The following COL6A2 variants were observed in gnomAD, a reference collection of about 807,000 sequenced individuals.
The protein encoded by COL6A2 is collagen alpha-2(VI) chain.
Under a neutral mutation model 124.9 loss-of-function variants are expected in COL6A2, and 90 were observed. The observed-to-expected ratio is 0.72, with a 90% CI of 0.61 to 0.86. The LOEUF (loss-of-function observed/expected upper bound fraction) is 0.86, where lower values mean the gene tolerates loss of function less well. Ranked by LOEUF, COL6A2 falls within the 40% of genes least tolerant of loss-of-function variation. COL6A2 has a pLI of 0.00. For missense variants in COL6A2, 1,607 were observed against 1,502.5 expected, an observed-to-expected ratio of 1.07 and a Z score of -1.15; for synonymous variants, 793 against 618.2, an observed-to-expected ratio of 1.28 and a Z score of -4.19.
At chr21:46,105,864 C>T (rs2078330717) in intron 1 of COL6A2, among the ~76,000 whole-genome samples, 1 of 152,200 alleles carries the variant, frequency 6.6e-6, no homozygotes. Flanking sequence ...AAAGAAGTCC[C>T]TCTTTATCAG....
intron 1 of COL6A2, among the ~76,000 whole-genome samples, chr21:46,105,798 A>G (rs1026756465): frequency 6.6e-6 from 1 of 152,240 alleles, no homozygotes; most frequent in Non-Finnish European, 1.5e-5. Context: ...AGACAGTGAT[A>G]CTGGAAATTA....
intron 1 of COL6A2, among the ~76,000 whole-genome samples, chr21:46,098,460 G>GA (rs1035165679): frequency 1.3e-5 from 2 of 151,740 alleles, no homozygotes; most frequent in Non-Finnish European, 2.9e-5. Context: ...GCGGGGTGGG[G>GA]GGGTCCCTGT....
chr21:46,121,543 C>T lies in COL6A2; in HGVS notation c.1459-13C>T, dbSNP rs370542209. The T allele has an allele frequency of 1.2e-5, 20 of 1,612,698 alleles. No individual in the cohort carries two copies. The East Asian group carries it at 3.8e-4, about 31-fold the overall frequency. On this transcript the variant is annotated splice_polypyrimidine_tract_variant and intron_variant, in intron 17 of 27. Transcript: ENST00000300527. ...TGCCTGTGCTGACTTCTGAATTTCT[C>T]TCCTGCCCTCAGGGATCTCGGGGAG... is the stretch of plus-strand genomic sequence containing the variant.
At chr21:46,118,935 A>AAGAT in intron 13 of COL6A2, 95 bp from the exon 14 acceptor site, 1 of 1,087,270 alleles carries the variant, frequency 9.2e-7, no homozygotes, top group East Asian at 2.5e-5. Context: ...ATTCCGCTGG[A>AAGAT]AGATAATAGG....
intron 27 of COL6A2, 106 bp from the exon 28 acceptor site, chr21:46,131,848 G>C (rs1211185504): frequency 7.5e-6 from 8 of 1,069,652 alleles, no homozygotes; most frequent in Admixed American, 2.0e-5. Flanking sequence ...AGTGGTCTGT[G>C]AGGTTGCAGG....
chr21:46,123,236 C>T (rs2078595691), intron 21 of COL6A2, among the ~76,000 whole-genome samples: 1 of 126,610 alleles, frequency 7.9e-6, no homozygotes, highest in Non-Finnish European at 1.5e-5. Flanking sequence ...TCCCAGCATC[C>T]CCACTACAGC....
intron 19 of COL6A2, 51 bp from the exon 20 acceptor site, chr21:46,122,445 G>T (rs369753525): frequency 8.1e-6 from 13 of 1,610,052 alleles, no homozygotes; most frequent in Non-Finnish European, 1.0e-5. Context: ...GAGGGAGGAA[G>T]GAGCACTGGG....
At chr21:46,130,818 G>A (rs924700074) in intron 27 of COL6A2, among the ~76,000 whole-genome samples, 3 of 152,216 alleles carry the variant, frequency 2.0e-5, no homozygotes, top group Non-Finnish European at 2.9e-5. Flanking sequence ...TAACAGGGAG[G>A]CTGCCCTTCC....
intron 26 of COL6A2, 107 bp from the exon 27 acceptor site, chr21:46,126,396 C>G: frequency 6.5e-7 from 1 of 1,543,832 alleles, no homozygotes; most frequent in Non-Finnish European, 9.0e-7. Flanking sequence ...GGCTGCAGGG[C>G]AGAGGCCAGC....
chr21:46,120,169 C>T (rs1256728015), intron 15 of COL6A2, among the ~76,000 whole-genome samples: 3 of 100,304 alleles, frequency 3.0e-5, no homozygotes, highest in African/African-American at 9.5e-5. Context: ...AGGCATTGCT[C>T]ACCCACGTGA....
rs1313081608 is a variant in COL6A2 at position 46,128,791 on chromosome 21, T to G, written c.2461+2250T>G. 9 of 896,728 alleles carry G rather than the reference T, an allele frequency of 1.0e-5. No individual in the cohort carries two copies. The East Asian group carries it at 1.9e-4, about 19-fold the overall frequency. The allele number at this position is 896,728 out of a possible 1,614,324, so 55.5% of individuals were successfully genotyped here. A position where few individuals can be genotyped will look rare whatever the true frequency, so the allele number is the denominator to read the frequency against. ...ACATCCCAGAGAGGCTGAGGAAGGGTTTACCACCGCAAGCTTTCTCAGGCG... is the reference window on the plus strand; with the variant it reads ...ACATCCCAGAGAGGCTGAGGAAGGGGTTACCACCGCAAGCTTTCTCAGGCG... On this transcript the variant is annotated intron_variant, in intron 27 of 27. Transcript: ENST00000300527.
At chr21:46,122,611 G>A (rs977714140) in intron 20 of COL6A2, 80 bp downstream of exon 20, 155 of 1,476,480 alleles carry the variant, frequency 1.0e-4, no homozygotes, top group South Asian at 6.9e-4. Flanking sequence ...AATGCCCACC[G>A]TCACTGACAG....
intron 27 of COL6A2, chr21:46,129,525 C>A (rs1450038352): frequency 2.0e-6 from 3 of 1,522,450 alleles, no homozygotes; most frequent in Non-Finnish European, 2.6e-6. Context: ...GCTGGGCCCT[C>A]CCTGCCACAC....
rs56083556 is a variant in COL6A2 at position 46,101,847 on chromosome 21, A to AT, written c.-28+3702dup. Among the ~76,000 whole-genome samples the AT allele has an allele frequency of 1.2e-3, 85 of 71,502 alleles. 3 individuals are homozygous for AT. Among genetic ancestry groups the AT allele is most frequent in the African/African-American group, 3.9e-3 (61 of 15,542 alleles). The allele number at this position is 71,502 out of a possible 152,430, so 46.9% of individuals were successfully genotyped here. A position where few individuals can be genotyped will look rare whatever the true frequency, so the allele number is the denominator to read the frequency against. The stretch of plus-strand genomic sequence containing the variant: ...CCCAGCTTTGTTCTTATCTTTCACG[A>AT]TTTTTTTTTTTTTTTTTTTTTTTTT... On this transcript the variant is annotated intron_variant, in intron 1 of 27. Transcript: ENST00000300527.
chr21:46,110,735 C>G lies in COL6A2; in HGVS notation c.-27-715C>G, dbSNP rs991745047. On this transcript the variant is annotated intron_variant, in intron 1 of 27. Transcript: ENST00000300527. ...GAACCAGGCCCGGTGCCCTTTCTGC[C>G]CAGCTGCCCGGCTGCTGCCAGCCCC... Among the ~76,000 whole-genome samples, 42 of 45,784 alleles carry G rather than the reference C, an allele frequency of 9.2e-4. 1 individual carries two copies. Among genetic ancestry groups the G allele is most frequent in the Admixed American group, 2.0e-3 (6 of 2,984 alleles). 30.0% of individuals were successfully genotyped at this position (45,784 alleles called of 152,430 possible).
chr21:46,126,843 G>C (rs980952824), intron 27 of COL6A2, among the ~76,000 whole-genome samples: 4 of 152,184 alleles, frequency 2.6e-5, no homozygotes, highest in Admixed American at 2.6e-4. Context: ...GGGCCTTGCA[G>C]TCTCCCTCAG....
chr21:46,109,734 A>G (rs1243120970), intron 1 of COL6A2, among the ~76,000 whole-genome samples: 4 of 152,086 alleles, frequency 2.6e-5, no homozygotes, highest in Admixed American at 2.0e-4. Flanking sequence ...CTCAGCCCCA[A>G]CTCTGCTCTG....
At chr21:46,130,362 C>G (rs183389132) in intron 27 of COL6A2, among the ~76,000 whole-genome samples, 20 of 152,288 alleles carry the variant, frequency 1.3e-4, no homozygotes, top group African/African-American at 4.8e-4. Flanking sequence ...GATCACCATC[C>G]AAAGGGAGCG....
Position 46,132,665 on chromosome 21 carries a change from G to C in COL6A2, c.*113G>C. On this transcript the variant is annotated 3_prime_UTR_variant, in exon 28 of 28. Coordinates refer to ENST00000300527, the MANE Select transcript of COL6A2 (RefSeq NM_001849.4). ...GCTGCTCACTCGGACGACGCCCTGG[G>C]CCTGCACCTCTCCAGCTCCTCCCAC... is the stretch of plus-strand genomic sequence containing the variant. 1.2e-5 allele frequency: 13 copies of C among 1,106,246 alleles called. No individual in the cohort carries two copies. The highest frequency in any genetic ancestry group is 1.4e-5 in the Non-Finnish European group (11 of 759,828). The allele number at this position is 1,106,246 out of a possible 1,614,324, so 68.5% of individuals were successfully genotyped here.
Sources: gnomAD v4.1 joint callset for allele counts (sites outside exome capture counted in the v4.1 genomes callset) on GRCh38, gnomAD v4.1.1 for gene constraint, MANE v1.5 for transcripts, NCBI Gene and HGNC (gene_info 2026-07-23, HGNC 2026-07-21) for gene names.